CELSR3: variants seen among roughly 807,000 people sequenced by gnomAD.
CELSR3 encodes EGF-like protein 1.
Under a neutral mutation model 270.0 loss-of-function variants are expected in CELSR3, and 73 were observed. That is an observed-to-expected ratio of 0.27 (90% CI 0.22 to 0.33). CELSR3 has a LOEUF of 0.33. Ranked by LOEUF, CELSR3 falls within the 10% of genes least tolerant of loss-of-function variation. The pLI, the probability that CELSR3 is intolerant of heterozygous loss-of-function variation, is 1.00. For missense variants in CELSR3, 3,614 were observed against 4,533.8 expected (o/e 0.80, Z 5.83); for synonymous variants, 1,780 against 1,905.4 (o/e 0.93, Z 1.71).
Position 48,659,535 on chromosome 3 carries a change from C to T in CELSR3, c.3100G>A (p.Glu1034Lys). The change falls in exon 1 of 35, where the codon GAG (glutamate) becomes AAG (lysine). Residue 1034 changes from glutamate to lysine, a missense_variant. Glu to Lys is a moderately conservative substitution (Grantham distance 56). This residue lies in a region of CELSR3 where 1,331 missense variants were observed against 1,933.7 expected (regional missense o/e 0.69). Transcript: ENST00000164024. The surrounding 1 kb of genome is among the most constrained non-coding windows in gnomAD (Gnocchi z 8.1). Reference protein sequence around the residue: ...RLDREAVSVYELTAYAVDRGV... With the variant: ...RLDREAVSVYKLTAYAVDRGV... ...CTGTCCACTGCGTAGGCAGTCAACTCATACACTGATACTGCCTCCCGGTCT... is the reference window on the plus strand; with the variant it reads ...CTGTCCACTGCGTAGGCAGTCAACTTATACACTGATACTGCCTCCCGGTCT... 1.2e-6 allele frequency: 2 copies of T among 1,614,220 alleles called. No homozygotes were observed. Among genetic ancestry groups the T allele is most frequent in the Non-Finnish European group, 1.7e-6 (2 of 1,180,040 alleles).
intron 28 of CELSR3, 59 bp from the exon 29 acceptor site, chr3:48,643,142 G>A (rs2047045367): frequency 9.0e-7 from 1 of 1,115,674 alleles, no homozygotes; most frequent in Non-Finnish European, 1.4e-6. Context: ...ACCAGTATAA[G>A]TCACTGTGGG....
Position 48,639,571 on chromosome 3 carries a change from T to G in CELSR3, c.9911+103A>C. The stretch of plus-strand genomic sequence containing the variant: ...CTGAGCCTGGGGTAGCCCACACCTG[T>G]CTGCCAGCCCTCATCCCCTTCTGTG... On this transcript the variant is annotated intron_variant, in intron 34 of 34. Coordinates refer to ENST00000164024, the MANE Select transcript of CELSR3 (RefSeq NM_001407.3). This position sits in a 1 kb window ranked among gnomAD's most constrained non-coding sequence, Gnocchi z 4.1. 6.7e-7 allele frequency: 1 copy of G among 1,489,770 alleles called. No individual in the cohort carries two copies. Among genetic ancestry groups the G allele is most frequent in the Non-Finnish European group, 9.1e-7 (1 of 1,098,118 alleles). 92.3% of individuals were successfully genotyped at this position (1,489,770 alleles called of 1,614,324 possible). A position where few individuals can be genotyped will look rare whatever the true frequency, so the allele number is the denominator to read the frequency against.
chr3:48,656,568 G>C (rs1032294559), intron 2 of CELSR3, 130 bp downstream of exon 2: 2 of 1,293,622 alleles, frequency 1.5e-6, no homozygotes, highest in South Asian at 1.7e-5. Flanking sequence ...CACGCTCTAC[G>C]GCTTCTGGCC....
Position 48,659,672 on chromosome 3 carries a change from C to T in CELSR3, c.2963G>A (p.Arg988Gln), listed in dbSNP as rs376152981. Residue 988 changes from arginine (R) to glutamine (Q), a missense_variant, in exon 1 of 35, where the codon CGG (arginine) becomes CAG (glutamine). Coordinates refer to ENST00000164024, the MANE Select transcript of CELSR3 (RefSeq NM_001407.3). This position sits in a 1 kb window ranked among gnomAD's most constrained non-coding sequence, Gnocchi z 8.1. ...GACCCGGCCATTGGCATGAGCATCC[C>T]GGTCAGTGGCTGAGATCTGCAGGAC... ...TSVLQISATD[R>Q]DAHANGRVQY... 2.5e-4 allele frequency: 411 copies of T among 1,614,194 alleles called. 3 individuals carry two copies. The South Asian group carries it at 3.8e-3, about 15-fold the overall frequency.
At position 48,638,099 on chromosome 3, in the gene CELSR3, G is replaced by A; in HGVS notation, c.*106C>T. On this transcript the variant is annotated 3_prime_UTR_variant, in exon 35 of 35. Transcript: ENST00000164024. ...AGGTAGAGCTGGGGCACCCACCACT[G>A]GGGAGCAGGAGGCTGCCTTGGGATC... The A allele has an allele frequency of 1.0e-6, 1 of 966,392 alleles. No individual in the cohort carries two copies. The highest frequency in any genetic ancestry group is 1.7e-6 in the Non-Finnish European group (1 of 600,270). 59.9% of individuals were successfully genotyped at this position (966,392 alleles called of 1,614,324 possible).
chr3:48,640,922 G>A lies in CELSR3; in HGVS notation c.9026-363C>T. On this transcript the variant is annotated intron_variant, in intron 33 of 34. Coordinates refer to ENST00000164024, the MANE Select transcript of CELSR3 (RefSeq NM_001407.3). The surrounding 1 kb of genome is among the most constrained non-coding windows in gnomAD (Gnocchi z 7.5). Reference sequence around the variant, plus strand: ...CCGGGTTGGACAGGAGCAGTCCCCAGGTCCCTGTGATGCAAGGGTGAGGGC... The same window carrying A: ...CCGGGTTGGACAGGAGCAGTCCCCAAGTCCCTGTGATGCAAGGGTGAGGGC... 2.4e-6 allele frequency: 1 copy of A among 412,606 alleles called. No homozygotes were observed. Among genetic ancestry groups the A allele is most frequent in the East Asian group, 4.3e-5 (1 of 23,272 alleles). 25.6% of individuals were successfully genotyped at this position (412,606 alleles called of 1,614,324 possible).
Position 48,645,912 on chromosome 3 carries a change from G to C in CELSR3, c.7464-44C>G. 1 of 1,581,172 alleles carries C rather than the reference G, an allele frequency of 6.3e-7. No homozygotes were observed. The highest frequency in any genetic ancestry group is 8.6e-7 in the Non-Finnish European group (1 of 1,160,464). On this transcript the variant is annotated intron_variant, in intron 22 of 34. Coordinates refer to ENST00000164024, the MANE Select transcript of CELSR3 (RefSeq NM_001407.3). This position sits in a 1 kb window ranked among gnomAD's most constrained non-coding sequence, Gnocchi z 5.4. ...TAGACACAACTGTGACCCAGTGTCA[G>C]GCAGGGGTTTGTGAGAGATCATGGG...
At position 48,646,341 on chromosome 3, in the gene CELSR3, G is replaced by A. The variant is rs890574412; in HGVS notation, c.7296-84C>T. 46 of 1,416,714 alleles carry A rather than the reference G, an allele frequency of 3.2e-5. No individual in the cohort carries two copies. Among genetic ancestry groups the A allele is most frequent in the East Asian group, 2.7e-4 (11 of 40,646 alleles). The allele number at this position is 1,416,714 out of a possible 1,614,324, so 87.8% of individuals were successfully genotyped here. A position where few individuals can be genotyped will look rare whatever the true frequency, so the allele number is the denominator to read the frequency against. ...GCCTCACCCCGTCTTCATGCCACTC[G>A]CCAGGGCTGACCCAGGGTCTGGGAT... On this transcript the variant is annotated intron_variant, in intron 21 of 34. Coordinates refer to ENST00000164024, the MANE Select transcript of CELSR3 (RefSeq NM_001407.3). The surrounding 1 kb of genome is among the most constrained non-coding windows in gnomAD (Gnocchi z 4.8).
Position 48,637,943 on chromosome 3 carries a change from T to A in CELSR3, c.*262A>T. The A allele has an allele frequency of 5.3e-6, 2 of 380,802 alleles. No individual in the cohort carries two copies. The highest frequency in any genetic ancestry group is 4.0e-5 in the East Asian group (1 of 24,866). 23.6% of individuals were successfully genotyped at this position (380,802 alleles called of 1,614,324 possible). A position where few individuals can be genotyped will look rare whatever the true frequency, so the allele number is the denominator to read the frequency against. ...CAAACCCCCCAGGAGACAGAAAAGC[T>A]GAAAAATAACATAAGCATCTCTCTG... On this transcript the variant is annotated 3_prime_UTR_variant, in exon 35 of 35. Transcript: ENST00000164024.
Position 48,636,659 on chromosome 3 carries a change from G to A in CELSR3, c.*1546C>T, listed in dbSNP as rs887064125. 2 of 152,222 alleles carry A rather than the reference G, an allele frequency of 1.3e-5. No individual in the cohort carries two copies. Among genetic ancestry groups the A allele is most frequent in the Non-Finnish European group, 2.9e-5 (2 of 68,054 alleles). The allele number at this position is 152,222 out of a possible 1,614,324, so 9.4% of individuals were successfully genotyped here. On this transcript the variant is annotated 3_prime_UTR_variant, in exon 35 of 35. Transcript: ENST00000164024. ...CAAGAGCTGGGGTCCTTCTCGGTAAGGAGAGTTTGGGTCCTGGCTGGTGGG... is the reference window on the plus strand; with the variant it reads ...CAAGAGCTGGGGTCCTTCTCGGTAAAGAGAGTTTGGGTCCTGGCTGGTGGG...
At position 48,640,766 on chromosome 3, in the gene CELSR3, GT is replaced by G; in HGVS notation, c.9026-208del. On this transcript the variant is annotated intron_variant, in intron 33 of 34. Coordinates refer to ENST00000164024, the MANE Select transcript of CELSR3 (RefSeq NM_001407.3). The surrounding 1 kb of genome is among the most constrained non-coding windows in gnomAD (Gnocchi z 7.5). The stretch of plus-strand genomic sequence containing the variant: ...AGAGTGGAAGGGCAGTCATCTTCCA[GT>G]TGTGGTCCCGGGGCAGGGGGAGGGC... The G allele has an allele frequency of 3.7e-6, 2 of 545,334 alleles. No individual in the cohort carries two copies. Among genetic ancestry groups the G allele is most frequent in the South Asian group, 4.7e-5 (2 of 42,334 alleles). 33.8% of individuals were successfully genotyped at this position (545,334 alleles called of 1,614,324 possible).
At position 48,651,489 on chromosome 3, in the gene CELSR3, C is replaced by G. The variant is rs767686628; in HGVS notation, c.6066-10G>C. On this transcript the variant is annotated splice_polypyrimidine_tract_variant and intron_variant, in intron 13 of 34. Transcript: ENST00000164024. The surrounding 1 kb of genome is among the most constrained non-coding windows in gnomAD (Gnocchi z 7.4). ...GCACTGCTGGTCCATCCTGGGGGTG[C>G]AGAGCCAGGTAAGATGCCTCCACGG... is the stretch of plus-strand genomic sequence containing the variant. 6.2e-7 allele frequency: 1 copy of G among 1,613,258 alleles called. No individual in the cohort carries two copies. Among genetic ancestry groups the G allele is most frequent in the Non-Finnish European group, 8.5e-7 (1 of 1,179,714 alleles).
Position 48,660,596 on chromosome 3 carries a change from T to C in CELSR3, c.2039A>G (p.His680Arg), listed in dbSNP as rs2077058832. 1.2e-6 allele frequency: 2 copies of C among 1,614,066 alleles called. No individual in the cohort carries two copies. Among genetic ancestry groups the C allele is most frequent in the African/African-American group, 1.3e-5 (1 of 74,934 alleles). Residue 680 changes from histidine (H) to arginine (R), a missense_variant, in exon 1 of 35, where the codon CAT becomes CGT. By Grantham distance (29) the His-to-Arg change is conservative. Around this residue, in one of 7 missense-constraint regions of CELSR3, gnomAD observed 354 missense variants for 500.9 expected, o/e 0.71. Transcript: ENST00000164024. This position sits in a 1 kb window ranked among gnomAD's most constrained non-coding sequence, Gnocchi z 5.5. ...VIHIQAVDAD[H>R]GENARLEYSL... ...GTACTCCAATCTGGCATTCTCCCCA[T>C]GGTCTGCATCGACTGCCTGAATGTG...
rs757413895 is a variant in CELSR3, at chr3:48,645,147, G to A, written c.7860C>T (p.Leu2620=). The change falls in exon 25 of 35, where the codon CTC becomes CTT. Residue 2620 remains leucine (L), a synonymous_variant. Coordinates refer to ENST00000164024, the MANE Select transcript of CELSR3 (RefSeq NM_001407.3). This position sits in a 1 kb window ranked among gnomAD's most constrained non-coding sequence, Gnocchi z 5.4. Reference sequence around the variant, plus strand: ...GGTAGAGGTGCAGCCCCTGCACGAAGAGCCACGCGAAGGTGCTGAGGAAGA... The same window carrying A: ...GGTAGAGGTGCAGCCCCTGCACGAAAAGCCACGCGAAGGTGCTGAGGAAGA... ...HYFFLSTFAW[L]FVQGLHLYRM... is the part of the protein sequence containing the mutation. 61 of 1,599,172 alleles carry A rather than the reference G, an allele frequency of 3.8e-5. No homozygotes were observed. Among genetic ancestry groups the A allele is most frequent in the Non-Finnish European group, 5.1e-5 (60 of 1,168,848 alleles).
chr3:48,655,894 A>T lies in CELSR3; in HGVS notation c.4626-43T>A, dbSNP rs1396384511. 2 of 1,375,844 alleles carry T rather than the reference A, an allele frequency of 1.5e-6. No individual in the cohort carries two copies. The highest frequency in any genetic ancestry group is 2.0e-6 in the Non-Finnish European group (2 of 985,166). The allele number at this position is 1,375,844 out of a possible 1,614,324, so 85.2% of individuals were successfully genotyped here. ...GGGTTGCGGGGGTGGGAGCGTCAGG[A>T]GCAGGGTACCACTTCACACCCACCA... On this transcript the variant is annotated intron_variant, in intron 3 of 34. Coordinates refer to ENST00000164024, the MANE Select transcript of CELSR3 (RefSeq NM_001407.3). This position sits in a 1 kb window ranked among gnomAD's most constrained non-coding sequence, Gnocchi z 5.8.
chr3:48,647,740 G>A, intron 20 of CELSR3, 101 bp downstream of exon 20: 1 of 1,151,288 alleles, frequency 8.7e-7, no homozygotes. Context: ...CTGACACTGG[G>A]GAGGTCTAGA....
At position 48,642,833 on chromosome 3, in the gene CELSR3, G is replaced by A. The variant is rs779030657; in HGVS notation, c.8458C>T (p.Arg2820Cys). 9.3e-6 allele frequency: 15 copies of A among 1,613,010 alleles called. No individual in the cohort carries two copies. Among genetic ancestry groups the A allele is most frequent in the East Asian group, 4.5e-5 (2 of 44,890 alleles). ...TALFEESGLI[R>C]ITLGASTVSS... Reference sequence around the variant, plus strand: ...ACGGTGGAGGCGCCCAGAGTGATGCGGATGAGGCCACTCTCCTCAAAGAGA... The same window carrying A: ...ACGGTGGAGGCGCCCAGAGTGATGCAGATGAGGCCACTCTCCTCAAAGAGA... The change falls in exon 30 of 35, where the codon CGC becomes TGC. Residue 2820 changes from arginine (R) to cysteine (C), a missense_variant. By Grantham distance (180) the Arg-to-Cys change is radical. Around this residue, in one of 7 missense-constraint regions of CELSR3, gnomAD observed 1,240 missense variants for 1,351.7 expected, o/e 0.92. Transcript: ENST00000164024. This position sits in a 1 kb window ranked among gnomAD's most constrained non-coding sequence, Gnocchi z 6.1.
In CELSR3 at chr3:48,643,166, C is replaced by G. The variant is rs1019774026; in HGVS notation, c.8290-83G>C. 8 of 921,488 alleles carry G rather than the reference C, an allele frequency of 8.7e-6. No homozygotes were observed. The South Asian group carries it at 1.2e-4, about 13-fold the overall frequency. 57.1% of individuals were successfully genotyped at this position (921,488 alleles called of 1,614,324 possible). A position where few individuals can be genotyped will look rare whatever the true frequency, so the allele number is the denominator to read the frequency against. On this transcript the variant is annotated intron_variant, in intron 28 of 34. Transcript: ENST00000164024. ...AGTCACTGTGGGTCAGCAATGGGGT[C>G]AGTCACTGTAGGCTAGTGTGGGTCA...
Position 48,653,143 on chromosome 3 carries a change from G to A in CELSR3, c.5493C>T (p.Gly1831=). ...GGTCCAGAAGGAGATGGGAAGCACG[G>A]CCCGAGCCCCTGGTCACTGTCACAG... The part of the protein sequence containing the change: ...LLSVTVTRGS[G]RASHLLLDQV... Residue 1831 remains glycine (G), a synonymous_variant, in exon 10 of 35, where the codon GGC becomes GGT. Transcript: ENST00000164024. This position sits in a 1 kb window ranked among gnomAD's most constrained non-coding sequence, Gnocchi z 6.5. The A allele has an allele frequency of 6.2e-7, 1 of 1,613,304 alleles. No homozygotes were observed. The highest frequency in any genetic ancestry group is 8.5e-7 in the Non-Finnish European group (1 of 1,180,020).
Sources: gnomAD v4.1 joint callset for allele counts on GRCh38, gnomAD v4.1.1 for gene constraint, gnomAD v4.1.1 regional missense constraint, Gnocchi (gnomAD v3.1) non-coding constraint, MANE v1.5 for transcripts, NCBI Gene and HGNC (gene_info 2026-07-23, HGNC 2026-07-21) for gene names.